CGNL1: variants seen among roughly 807,000 people sequenced by gnomAD.
CGNL1 encodes the protein cingulin like 1.
In CGNL1, 132 loss-of-function variants were observed where a neutral mutation model predicts 141.2. The observed-to-expected ratio is 0.93, with a 90% CI of 0.81 to 1.08. CGNL1 has a LOEUF of 1.08. Among genes scored for constraint, CGNL1 ranks in the 50% least tolerant of loss-of-function variants. The pLI is 0.00. For missense variants in CGNL1, 1,870 were observed against 1,588.6 expected, an observed-to-expected ratio of 1.18 and a Z score of -3.01; for synonymous variants, 690 against 622.1, an observed-to-expected ratio of 1.11 and a Z score of -1.63.
At chr15:57,454,133 T>C (rs2063352656) in intron 7 of CGNL1, among the ~76,000 whole-genome samples, 1 of 152,196 alleles carries the variant, frequency 6.6e-6, no homozygotes, top group South Asian at 2.1e-4. Context: ...GGAATAAGTA[T>C]AATTGAGGGT....
chr15:57,537,463 G>C (rs2032322757), intron 14 of CGNL1, among the ~76,000 whole-genome samples: 1 of 151,744 alleles, frequency 6.6e-6, no homozygotes, highest in African/African-American at 2.4e-5. Context: ...TAATTGAAAT[G>C]CTCCTAATCT....
At chr15:57,411,824 G>T (rs2062791801) in intron 1 of CGNL1, among the ~76,000 whole-genome samples, 1 of 151,574 alleles carries the variant, frequency 6.6e-6, no homozygotes, top group African/African-American at 2.4e-5. Context: ...CTCAGCTGCT[G>T]TATAGAGCTT....
intron 7 of CGNL1, among the ~76,000 whole-genome samples, chr15:57,454,744 C>G (rs1859494272): frequency 6.6e-6 from 1 of 152,184 alleles, no homozygotes; most frequent in African/African-American, 2.4e-5. Flanking sequence ...ACTGGGATTC[C>G]TCTTTTTATC....
At chr15:57,528,550 C>T (rs1358501199) in intron 12 of CGNL1, 104 bp from the exon 13 acceptor site, 10 of 1,148,960 alleles carry the variant, frequency 8.7e-6, no homozygotes, top group Non-Finnish European at 1.3e-5. Context: ...TTGTGGGAGT[C>T]CAGCTGATCT....
At chr15:57,385,594 G>A (rs1387222077) in intron 1 of CGNL1, among the ~76,000 whole-genome samples, 3 of 152,184 alleles carry the variant, frequency 2.0e-5, no homozygotes, top group African/African-American at 7.2e-5. Context: ...TCTATTTGAC[G>A]ATCACTAGGA....
chr15:57,418,169 G>T (rs1302512478), intron 1 of CGNL1, among the ~76,000 whole-genome samples: 1 of 152,168 alleles, frequency 6.6e-6, no homozygotes, highest in African/African-American at 2.4e-5. Context: ...GATCAGGGAT[G>T]CTGGGTTCTC....
intron 8 of CGNL1, among the ~76,000 whole-genome samples, chr15:57,468,473 C>G (rs1177957351): frequency 6.6e-6 from 1 of 151,966 alleles, no homozygotes. Context: ...CTCAGGCCAT[C>G]TGCTCACGTC....
chr15:57,389,408 G>A (rs1190449077), intron 1 of CGNL1, among the ~76,000 whole-genome samples: 1 of 152,222 alleles, frequency 6.6e-6, no homozygotes, highest in African/African-American at 2.4e-5. Flanking sequence ...TCACTTAAAT[G>A]CACAGATGTT....
At chr15:57,470,256 C>CTTTTTTTTT (rs60982599) in intron 8 of CGNL1, among the ~76,000 whole-genome samples, 7,924 of 113,248 alleles carry the variant, frequency 0.07, 552 homozygotes, top group African/African-American at 0.14. Flanking sequence ...TTTTGTCTCT[C>CTTTTTTTTT]TTTTTTTTTT....
At chr15:57,408,419 G>A (rs2062747310) in intron 1 of CGNL1, among the ~76,000 whole-genome samples, 1 of 152,124 alleles carries the variant, frequency 6.6e-6, no homozygotes, top group Admixed American at 6.5e-5. Flanking sequence ...GAGCCTTTTG[G>A]AATCGGAGAA....
intron 10 of CGNL1, among the ~76,000 whole-genome samples, chr15:57,522,616 C>G (rs1402962144): frequency 6.6e-6 from 1 of 152,146 alleles, no homozygotes; most frequent in Non-Finnish European, 1.5e-5. Flanking sequence ...ATCCTTGTAC[C>G]TATGGCCCTA....
intron 6 of CGNL1, 139 bp from the exon 7 acceptor site, chr15:57,453,544 T>G: frequency 2.8e-6 from 3 of 1,054,790 alleles, no homozygotes; most frequent in Non-Finnish European, 4.0e-6. Context: ...GGTGATCCCT[T>G]GCTCAGTGCA....
chr15:57,547,432 A>G lies in CGNL1; in HGVS notation c.3851A>G (p.Tyr1284Cys), dbSNP rs375228227. 74 of 1,614,038 alleles carry G rather than the reference A, an allele frequency of 4.6e-5. No homozygotes were observed. The African/African-American group carries it at 6.5e-4, about 14-fold the overall frequency. Residue 1284 changes from tyrosine to cysteine, a missense_variant, in exon 19 of 19, where the codon TAT becomes TGT. Transcript: ENST00000281282. Reference sequence around the variant, plus strand: ...CTCAGCACGGATGGGGGAAGCCTCTATGAGGCGCCTGTGAGCTACACATTC... The same window carrying G: ...CTCAGCACGGATGGGGGAAGCCTCTGTGAGGCGCCTGTGAGCTACACATTC... ...DDLSTDGGSL[Y>C]EAPVSYTFSK...
intron 1 of CGNL1, among the ~76,000 whole-genome samples, chr15:57,408,487 A>G (rs1375880520): frequency 1.3e-5 from 2 of 152,192 alleles, no homozygotes; most frequent in African/African-American, 4.8e-5. Context: ...CAGTTTTCCC[A>G]GAGCCAAACC....
chr15:57,531,890 A>G lies in CGNL1; in HGVS notation c.3291+111A>G, dbSNP rs2031972272. On this transcript the variant is annotated intron_variant, in intron 14 of 18. Coordinates refer to ENST00000281282, the MANE Select transcript of CGNL1 (RefSeq NM_032866.5). Reference sequence around the variant, plus strand: ...CAGGAGAGAAAAATTCATGCCATCTAGAAATTGATGGAAGATTGAATAGTC... The same window carrying G: ...CAGGAGAGAAAAATTCATGCCATCTGGAAATTGATGGAAGATTGAATAGTC... The G allele has an allele frequency of 2.2e-5, 15 of 684,712 alleles. No homozygotes were observed. In the South Asian group the frequency reaches 2.5e-4, roughly 11 times the overall value. 42.4% of individuals were successfully genotyped at this position (684,712 alleles called of 1,614,324 possible). A position where few individuals can be genotyped will look rare whatever the true frequency, so the allele number is the denominator to read the frequency against.
intron 8 of CGNL1, among the ~76,000 whole-genome samples, chr15:57,492,949 C>A (rs1012991255): frequency 6.6e-6 from 1 of 152,096 alleles, no homozygotes; most frequent in African/African-American, 2.4e-5. Flanking sequence ...CATTTTATTT[C>A]CAGATTTTAC....
chr15:57,498,277 T>A (rs182640290), intron 8 of CGNL1, among the ~76,000 whole-genome samples: 2 of 88,894 alleles, frequency 2.2e-5, no homozygotes, highest in East Asian at 7.3e-4. Context: ...GAGACCAGGG[T>A]CTCACCCTGT....
At position 57,491,105 on chromosome 15, in the gene CGNL1, A is replaced by G. The variant is rs189984426; in HGVS notation, c.2404-25675A>G. Among the ~76,000 whole-genome samples the G allele has an allele frequency of 9.7e-4, 147 of 152,274 alleles. 1 individual carries two copies. The highest frequency in any genetic ancestry group is 2.4e-3 in the Admixed American group (37 of 15,296). The stretch of plus-strand genomic sequence containing the variant: ...AAAGGATGTTAGGTAAAAACTAAGG[A>G]AAGCTGAATAAAGTATGGACTTTGG... On this transcript the variant is annotated intron_variant, in intron 8 of 18. Coordinates refer to ENST00000281282, the MANE Select transcript of CGNL1 (RefSeq NM_032866.5).
chr15:57,451,645 G>A, intron 5 of CGNL1, 44 bp downstream of exon 5: 2 of 1,417,642 alleles, frequency 1.4e-6, no homozygotes, highest in East Asian at 2.3e-5. Flanking sequence ...TTTCTGTCTT[G>A]GTTGATAAAG....
Sources: gnomAD v4.1 joint callset for allele counts (sites outside exome capture counted in the v4.1 genomes callset) on GRCh38, gnomAD v4.1.1 for gene constraint, MANE v1.5 for transcripts, NCBI Gene and HGNC (gene_info 2026-07-23, HGNC 2026-07-21) for gene names.